Variants in YEATS2 observed in about 807,000 individuals in gnomAD.
YEATS2 encodes the protein YEATS domain containing 2.
A neutral mutation model predicts 163.2 loss-of-function variants in YEATS2; 77 were observed. The ratio of observed to expected loss-of-function variants is 0.47; its 90% CI spans 0.39 to 0.57. YEATS2 has a LOEUF of 0.57. Ranked by LOEUF, YEATS2 falls within the 20% of genes least tolerant of loss-of-function variation. The probability of loss-of-function intolerance (pLI) is 0.00; values close to 1 mark genes in which losing one functional copy is unlikely to be tolerated. For missense variants in YEATS2, 1,549 were observed against 1,729.8 expected (o/e 0.90, Z 1.85); for synonymous variants, 631 against 645.1 (o/e 0.98, Z 0.33).
chr3:183,786,018 C>T, intron 19 of YEATS2, 107 bp from the exon 20 acceptor site: 2 of 1,321,252 alleles, frequency 1.5e-6, no homozygotes, highest in Non-Finnish European at 2.1e-6. Context: ...GTAAGACTTT[C>T]TTGGTTATTC....
intron 6 of YEATS2, among the ~76,000 whole-genome samples, chr3:183,726,858 A>G (rs750758952): frequency 5.9e-5 from 9 of 151,998 alleles, no homozygotes; most frequent in South Asian, 2.1e-4. Context: ...TTGGAGTGCA[A>G]TGGCGCGATC....
chr3:183,718,840 G>A (rs576241643), intron 4 of YEATS2, among the ~76,000 whole-genome samples: 2 of 151,940 alleles, frequency 1.3e-5, no homozygotes, highest in East Asian at 3.9e-4. Flanking sequence ...GATTACAGGC[G>A]TGTGCCACCA....
intron 15 of YEATS2, among the ~76,000 whole-genome samples, chr3:183,764,595 A>G (rs1328822800): frequency 6.6e-6 from 1 of 152,078 alleles, no homozygotes; most frequent in African/African-American, 2.4e-5. Context: ...GGATCGCCTG[A>G]GGTCAGGAGT....
intron 7 of YEATS2, 50 bp from the exon 8 acceptor site, chr3:183,736,657 TTTCCTGTGTAG>T: frequency 7.8e-7 from 1 of 1,280,170 alleles, no homozygotes. Context: ...TCAGGAAACT[TTTCCTGTGTAG>T]GATGAGAGAG....
intron 7 of YEATS2, among the ~76,000 whole-genome samples, chr3:183,730,724 T>A (rs1351109780): frequency 6.6e-6 from 1 of 152,184 alleles, no homozygotes; most frequent in Non-Finnish European, 1.5e-5. Context: ...TTTCAGCACC[T>A]GGTTTACTGA....
At chr3:183,761,183 G>C (rs975742491) in intron 13 of YEATS2, among the ~76,000 whole-genome samples, 2 of 151,798 alleles carry the variant, frequency 1.3e-5, no homozygotes, top group African/African-American at 4.8e-5. Flanking sequence ...TGCCTCCCTG[G>C]TTCAAGTGAT....
intron 15 of YEATS2, among the ~76,000 whole-genome samples, chr3:183,764,237 G>A (rs753959683): frequency 2.6e-5 from 4 of 152,052 alleles, no homozygotes; most frequent in Non-Finnish European, 2.9e-5. Context: ...TGGACATGGT[G>A]TCGGGCTCCT....
At chr3:183,739,088 T>C (rs867016902) in intron 8 of YEATS2, among the ~76,000 whole-genome samples, 84 of 151,264 alleles carry the variant, frequency 5.6e-4, no homozygotes, top group Non-Finnish European at 1.1e-3. Context: ...TTTTAATGAT[T>C]GCCATTCTAA....
chr3:183,755,893 T>C (rs1684813950), intron 11 of YEATS2, among the ~76,000 whole-genome samples: 2 of 151,730 alleles, frequency 1.3e-5, no homozygotes, highest in Non-Finnish European at 2.9e-5. Flanking sequence ...ATTACAGGCA[T>C]GCGCCACCAC....
At chr3:183,729,272 A>C (rs75126906) in intron 7 of YEATS2, among the ~76,000 whole-genome samples, 5 of 134,878 alleles carry the variant, frequency 3.7e-5, no homozygotes, top group African/African-American at 1.6e-4. Context: ...ACTCTGTCTC[A>C]AAAAAAAAAA....
rs1191006811 is a variant in YEATS2, at chr3:183,730,068, T to G, written c.812+1217T>G. Among the ~76,000 whole-genome samples the G allele has an allele frequency of 5.8e-4, 65 of 111,256 alleles. 1 individual carries two copies. Among genetic ancestry groups the G allele is most frequent in the African/African-American group, 8.7e-4 (23 of 26,322 alleles). The allele number at this position is 111,256 out of a possible 152,430, so 73.0% of individuals were successfully genotyped here. ...TTTTTGTTTGTTTTTTTTTTTTTTT[T>G]TTTTTTTTTTTTTTTTTTTGGAGAC... is the stretch of plus-strand genomic sequence containing the variant. On this transcript the variant is annotated intron_variant, in intron 7 of 30. Coordinates refer to ENST00000305135, the MANE Select transcript of YEATS2 (RefSeq NM_018023.5).
At chr3:183,755,057 C>T (rs1237417942) in intron 11 of YEATS2, among the ~76,000 whole-genome samples, 3 of 151,862 alleles carry the variant, frequency 2.0e-5, no homozygotes, top group Non-Finnish European at 4.4e-5. Flanking sequence ...TGTAAGTAGA[C>T]AGCTAAGTAG....
intron 18 of YEATS2, 85 bp from the exon 19 acceptor site, chr3:183,777,457 C>T (rs548524694): frequency 2.5e-5 from 34 of 1,386,504 alleles, no homozygotes; most frequent in African/African-American, 2.3e-4. Flanking sequence ...TAACATGGGA[C>T]GTTACATGTG....
At chr3:183,703,756 G>C (rs912774789) in intron 1 of YEATS2, among the ~76,000 whole-genome samples, 4 of 152,040 alleles carry the variant, frequency 2.6e-5, no homozygotes, top group African/African-American at 4.8e-5. Flanking sequence ...AACAGTCTTT[G>C]GGAAGAGTGG....
At chr3:183,733,211 A>G (rs1349883647) in intron 7 of YEATS2, among the ~76,000 whole-genome samples, 1 of 152,186 alleles carries the variant, frequency 6.6e-6, no homozygotes, top group Non-Finnish European at 1.5e-5. Context: ...TTTGTTTGGA[A>G]GTTTTTAATT....
chr3:183,763,477 CT>C (rs1315823969), intron 15 of YEATS2, among the ~76,000 whole-genome samples: 1 of 152,172 alleles, frequency 6.6e-6, no homozygotes, highest in Non-Finnish European at 1.5e-5. Context: ...ATATTGAGTG[CT>C]TTTGTGTATG....
intron 7 of YEATS2, among the ~76,000 whole-genome samples, chr3:183,731,806 A>G (rs1459357066): frequency 6.6e-6 from 1 of 152,140 alleles, no homozygotes; most frequent in Non-Finnish European, 1.5e-5. Context: ...TTTCAGCCTG[A>G]TCTGTGCCAC....
At chr3:183,762,311 A>G (rs1342969702) in intron 15 of YEATS2, 32 bp downstream of exon 15, 3 of 1,512,536 alleles carry the variant, frequency 2.0e-6, no homozygotes, top group South Asian at 1.3e-5. Context: ...GAAATTTCAC[A>G]TGTAAATGAT....
chr3:183,707,737 G>T (rs185125490), intron 1 of YEATS2, among the ~76,000 whole-genome samples: 10 of 144,394 alleles, frequency 6.9e-5, no homozygotes, highest in African/African-American at 2.6e-4. Flanking sequence ...AGGCTGGAGT[G>T]CAGTGGCGCA....
Sources: gnomAD v4.1 joint callset for allele counts (sites outside exome capture counted in the v4.1 genomes callset) on GRCh38, gnomAD v4.1.1 for gene constraint, MANE v1.5 for transcripts, NCBI Gene and HGNC (gene_info 2026-07-23, HGNC 2026-07-21) for gene names.